DGLUCY: variants seen among roughly 807,000 people sequenced by gnomAD.
DGLUCY encodes D-glutamate cyclase, mitochondrial.
DGLUCY carries 58 observed loss-of-function variants against 58.5 expected under a neutral mutation model. That is an observed-to-expected ratio of 0.99 (90% CI 0.80 to 1.23). DGLUCY has a LOEUF of 1.23. DGLUCY is among the 50% of genes most tolerant of loss of function. The pLI, the probability that DGLUCY is intolerant of heterozygous loss-of-function variation, is 0.00. For missense variants in DGLUCY, 779 were observed against 784.7 expected, an observed-to-expected ratio of 0.99 and a Z score of 0.09; for synonymous variants, 325 against 314.1, an observed-to-expected ratio of 1.03 and a Z score of -0.37.
chr14:91,077,567 C>T (rs2044045686), intron 1 of DGLUCY, among the ~76,000 whole-genome samples: 1 of 151,842 alleles, frequency 6.6e-6, no homozygotes, highest in African/African-American at 2.4e-5. Flanking sequence ...TCCTGGCCAA[C>T]ATGGTGAAAC....
At chr14:91,170,227 A>G (rs374308715) in intron 5 of DGLUCY, 26 bp downstream of exon 5, 2 of 1,603,128 alleles carry the variant, frequency 1.2e-6, no homozygotes, top group African/African-American at 2.7e-5. Context: ...ACAGCCCACA[A>G]GGGCAGAATG....
chr14:91,130,145 T>G (rs1433830135), intron 1 of DGLUCY, among the ~76,000 whole-genome samples: 1 of 152,214 alleles, frequency 6.6e-6, no homozygotes, highest in Non-Finnish European at 1.5e-5. Context: ...AAGTGGTTTA[T>G]AACAATCAAC....
chr14:91,078,488 C>A (rs1032330259), intron 1 of DGLUCY, among the ~76,000 whole-genome samples: 3 of 152,162 alleles, frequency 2.0e-5, no homozygotes, highest in African/African-American at 7.2e-5. Context: ...TCCCCTGCAG[C>A]GGGTCTCCTT....
intron 12 of DGLUCY, 28 bp from the exon 13 acceptor site, chr14:91,215,377 A>T: frequency 6.3e-7 from 1 of 1,581,008 alleles, no homozygotes. Flanking sequence ...TTCCAACTCC[A>T]TGATGGAATC....
Position 91,181,383 on chromosome 14 carries a change from G to C in DGLUCY, c.928G>C (p.Asp310His). The change falls in exon 8 of 14, where the codon GAC becomes CAC. Residue 310 changes from aspartate to histidine, a missense_variant. Asp to His is a moderately conservative substitution (Grantham distance 81, BLOSUM62 -1). Coordinates refer to ENST00000256324, the MANE Select transcript of DGLUCY (RefSeq NM_001102368.3). ...AGAACTAGAGTCTATGATCGGCATA[G>C]ACCCAGGTAAGAAACAACACATTTG... ...IRELESMIGI[D>H]PGNRGIGHLL... is the part of the protein sequence containing the mutation. 6.2e-7 allele frequency: 1 copy of C among 1,612,878 alleles called. No individual in the cohort carries two copies. The highest frequency in any genetic ancestry group is 8.5e-7 in the Non-Finnish European group (1 of 1,179,748).
intron 6 of DGLUCY, among the ~76,000 whole-genome samples, chr14:91,174,008 AG>A (rs1451528504): frequency 6.6e-6 from 1 of 152,088 alleles, no homozygotes; most frequent in Non-Finnish European, 1.5e-5. Context: ...GTAGGATTAG[AG>A]GGTTGGGACT....
intron 7 of DGLUCY, among the ~76,000 whole-genome samples, chr14:91,176,445 C>A (rs559441600): frequency 6.6e-6 from 1 of 152,024 alleles, no homozygotes; most frequent in South Asian, 2.1e-4. Flanking sequence ...AGGATGGTCT[C>A]AATCTCCTGA....
chr14:91,101,548 G>A (rs1029796982), intron 1 of DGLUCY, among the ~76,000 whole-genome samples: 13 of 152,188 alleles, frequency 8.5e-5, no homozygotes, highest in African/African-American at 2.7e-4. Context: ...GTTGGAAGTC[G>A]TGCACTCCTT....
At chr14:91,158,832 T>G (rs1265808521) in intron 2 of DGLUCY, 1 of 130,310 alleles carries the variant, frequency 7.7e-6, no homozygotes, top group Non-Finnish European at 1.7e-5. Flanking sequence ...AAAACCTATC[T>G]TTTTTTTTTT....
At chr14:91,190,967 A>T (rs1473311981) in intron 9 of DGLUCY, among the ~76,000 whole-genome samples, 1 of 152,136 alleles carries the variant, frequency 6.6e-6, no homozygotes, top group Non-Finnish European at 1.5e-5. Flanking sequence ...CTCATGGCAC[A>T]TCCCTTCAGC....
At chr14:91,117,870 G>A (rs1156764836) in intron 1 of DGLUCY, among the ~76,000 whole-genome samples, 1 of 152,112 alleles carries the variant, frequency 6.6e-6, no homozygotes, top group Non-Finnish European at 1.5e-5. Flanking sequence ...CAGAATTGAG[G>A]TATTCAGGTC....
rs779550213 is a variant in DGLUCY, at chr14:91,083,198, G to A, written c.-82+22494G>A. Among the ~76,000 whole-genome samples, 27 of 152,132 alleles carry A rather than the reference G, an allele frequency of 1.8e-4. 1 individual carries two copies. Among genetic ancestry groups the A allele is most frequent in the East Asian group, 3.8e-4 (2 of 5,200 alleles). On this transcript the variant is annotated intron_variant, in intron 1 of 4. Transcript: ENST00000521334. ...AGCACACTTATATCTCCACCACATC[G>A]GAGGTAGTGGTCTGCCTCCCACTTA...
chr14:91,070,757 C>A (rs1233019066), intron 1 of DGLUCY, among the ~76,000 whole-genome samples: 1 of 151,968 alleles, frequency 6.6e-6, no homozygotes, highest in African/African-American at 2.4e-5. Flanking sequence ...CAATAGAGAT[C>A]CAATAGATGC....
chr14:91,103,099 C>T (rs1031572662), upstream of DGLUCY, among the ~76,000 whole-genome samples: 13 of 151,974 alleles, frequency 8.6e-5, no homozygotes, highest in African/African-American at 3.1e-4. Context: ...CAAAGATACC[C>T]CCATGTTTCT....
In DGLUCY at chr14:91,074,267, C is replaced by G. The variant is rs181616769; in HGVS notation, c.-82+13563C>G. 5.6e-3 allele frequency among the ~76,000 whole-genome samples: 791 copies of G among 142,058 alleles called. 3 individuals carry two copies. Among genetic ancestry groups the G allele is most frequent in the Admixed American group, 0.014 (186 of 13,734 alleles). 93.2% of individuals were successfully genotyped at this position (142,058 alleles called of 152,430 possible). A position where few individuals can be genotyped will look rare whatever the true frequency, so the allele number is the denominator to read the frequency against. On this transcript the variant is annotated intron_variant, in intron 1 of 4. Coordinates refer to the DGLUCY transcript ENST00000521334. The stretch of plus-strand genomic sequence containing the variant: ...GCTGTGATTGTGCCATGCACTCCAG[C>G]CTGGGCAACTGAGCGATACCCTGTC...
intron 13 of DGLUCY, among the ~76,000 whole-genome samples, chr14:91,218,902 G>A (rs2540874): frequency 0.2 from 29,558 of 151,566 alleles, 3,423 homozygotes; most frequent in Non-Finnish European, 0.26. Flanking sequence ...GTGAGAGGCC[G>A]GGCATGGTGG....
intron 11 of DGLUCY, among the ~76,000 whole-genome samples, chr14:91,201,871 G>A (rs2050582312): frequency 6.6e-6 from 1 of 151,744 alleles, no homozygotes; most frequent in African/African-American, 2.4e-5. Flanking sequence ...TGGCCAACAT[G>A]GCACAACCCC....
chr14:91,180,564 T>G (rs1178012751), intron 7 of DGLUCY, among the ~76,000 whole-genome samples: 9 of 134,222 alleles, frequency 6.7e-5, no homozygotes, highest in Non-Finnish European at 1.1e-4. Context: ...ACAACAAGAC[T>G]CCATCTCAAA....
intron 1 of DGLUCY, among the ~76,000 whole-genome samples, chr14:91,071,107 C>T (rs2043908251): frequency 6.6e-6 from 1 of 151,386 alleles, no homozygotes; most frequent in Non-Finnish European, 1.5e-5. Context: ...CTGAGGCTGG[C>T]AGATCACAAG....
Sources: allele counts gnomAD v4.1 joint callset (sites outside exome capture counted in the v4.1 genomes callset), GRCh38; gene constraint gnomAD v4.1.1; transcripts MANE v1.5; gene names NCBI Gene and HGNC (gene_info 2026-07-23, HGNC 2026-07-21).